The following FARSB variants were observed in gnomAD, a reference collection of about 807,000 sequenced individuals.
FARSB encodes phenylalanine--tRNA ligase beta subunit.
A neutral mutation model predicts 69.6 loss-of-function variants in FARSB; 40 were observed. The ratio of observed to expected loss-of-function variants is 0.57; its 90% confidence interval spans 0.45 to 0.75. FARSB has a LOEUF of 0.75. FARSB is among the 30% of genes least tolerant of loss of function. The pLI, the probability that FARSB is intolerant of heterozygous loss-of-function variation, is 0.00. For synonymous variants in FARSB, 235 were observed against 247.2 expected (o/e 0.95, Z 0.46); for missense variants, 632 against 722.9 (o/e 0.87, Z 1.44).
chr2:222,649,779 T>G (rs1691981047), intron 1 of FARSB, among the ~76,000 whole-genome samples: 1 of 152,202 alleles, frequency 6.6e-6, no homozygotes, highest in Non-Finnish European at 1.5e-5. Context: ...CTTCCTTATT[T>G]TAATATTATA....
chr2:222,655,403 G>A (rs1692147329), intron 1 of FARSB, among the ~76,000 whole-genome samples: 1 of 151,976 alleles, frequency 6.6e-6, no homozygotes. Flanking sequence ...GTTGTTCTTG[G>A]CACAACACCT....
chr2:222,655,059 G>C (rs1692136569), intron 1 of FARSB, among the ~76,000 whole-genome samples: 1 of 152,160 alleles, frequency 6.6e-6, no homozygotes, highest in Non-Finnish European at 1.5e-5. Context: ...TTACTCGGGC[G>C]CGATGGCGGA....
chr2:222,655,208 A>T (rs1692140461), intron 1 of FARSB, among the ~76,000 whole-genome samples: 1 of 152,120 alleles, frequency 6.6e-6, no homozygotes, highest in South Asian at 2.1e-4. Context: ...AAAAATAAAA[A>T]AAAAAATAGG....
At chr2:222,577,145 C>G (rs1179757213) in intron 16 of FARSB, among the ~76,000 whole-genome samples, 1 of 152,164 alleles carries the variant, frequency 6.6e-6, no homozygotes, top group African/African-American at 2.4e-5. Flanking sequence ...ATAAAACACA[C>G]AAACATTTTT....
chr2:222,609,254 G>C (rs1277674946), intron 15 of FARSB, among the ~76,000 whole-genome samples: 1 of 152,090 alleles, frequency 6.6e-6, no homozygotes, highest in Non-Finnish European at 1.5e-5. Context: ...TGCTTTTCTG[G>C]GCATAAGGAT....
chr2:222,626,915 AG>A (rs1204856116), intron 10 of FARSB, among the ~76,000 whole-genome samples: 5 of 152,254 alleles, frequency 3.3e-5, no homozygotes, highest in Admixed American at 2.0e-4. Context: ...GGGCGCCTGT[AG>A]TCCCAGCTAC....
intron 13 of FARSB, among the ~76,000 whole-genome samples, chr2:222,621,085 T>A (rs760538428): frequency 2.3e-4 from 35 of 152,238 alleles, no homozygotes; most frequent in African/African-American, 7.7e-4. Flanking sequence ...TGATTAATTA[T>A]GAAATGCAAC....
rs16863945 is a variant in FARSB at position 222,632,293 on chromosome 2, G to A, written c.716-619C>T. On this transcript the variant is annotated intron_variant, in intron 7 of 16. Coordinates refer to ENST00000281828, the MANE Select transcript of FARSB (RefSeq NM_005687.5). The stretch of plus-strand genomic sequence containing the variant: ...GGTGCTATGCCAAGCACTTAACATA[G>A]GTTGTCTCCTCTAATCTTTACCACA... Among the ~76,000 whole-genome samples, 480 of 152,300 alleles carry A rather than the reference G, an allele frequency of 3.2e-3. 6 individuals carry two copies. The highest frequency in any genetic ancestry group is 0.011 in the African/African-American group (465 of 41,576).
At chr2:222,637,827 T>C (rs1035469668) in intron 5 of FARSB, among the ~76,000 whole-genome samples, 6 of 151,614 alleles carry the variant, frequency 4.0e-5, no homozygotes, top group Admixed American at 2.0e-4. Context: ...ACAAAAAAAT[T>C]TAAAAATTAG....
At position 222,654,172 on chromosome 2, in the gene FARSB, G is replaced by A. The variant is rs150902861; in HGVS notation, c.58+1844C>T. On this transcript the variant is annotated intron_variant, in intron 1 of 16. Transcript: ENST00000281828. Reference sequence around the variant, plus strand: ...GCCACCTACCATCTTAGGCAATTCAGGTATACAGACTGAGCATTCCCAATC... The same window carrying A: ...GCCACCTACCATCTTAGGCAATTCAAGTATACAGACTGAGCATTCCCAATC... 5.5e-3 allele frequency among the ~76,000 whole-genome samples: 830 copies of A among 152,214 alleles called. 5 individuals are homozygous for A. The highest frequency in any genetic ancestry group is 0.019 in the African/African-American group (794 of 41,534).
intron 2 of FARSB, chr2:222,644,530 G>C (rs1372473613): frequency 2.2e-6 from 1 of 455,250 alleles, no homozygotes; most frequent in Non-Finnish European, 4.4e-6. Context: ...AGAAAGCTGA[G>C]TCACCTCCCA....
intron 15 of FARSB, among the ~76,000 whole-genome samples, chr2:222,600,529 A>G (rs992811846): frequency 6.6e-6 from 1 of 152,230 alleles, no homozygotes; most frequent in African/African-American, 2.4e-5. Context: ...TATATTAGGG[A>G]TGGCTACATA....
intron 15 of FARSB, among the ~76,000 whole-genome samples, chr2:222,602,850 C>T (rs1191940337): frequency 6.6e-6 from 1 of 151,986 alleles, no homozygotes; most frequent in Non-Finnish European, 1.5e-5. Context: ...AATAATATTT[C>T]TTGTGTTTAT....
At chr2:222,590,745 C>A (rs1332578902) in intron 16 of FARSB, among the ~76,000 whole-genome samples, 1 of 151,988 alleles carries the variant, frequency 6.6e-6, no homozygotes, top group African/African-American at 2.4e-5. Flanking sequence ...AGATTTGCTT[C>A]AAAATAATTT....
chr2:222,620,507 A>T (rs1363811819), intron 13 of FARSB, among the ~76,000 whole-genome samples: 1 of 152,244 alleles, frequency 6.6e-6, no homozygotes, highest in Non-Finnish European at 1.5e-5. Context: ...CATTGTAGGC[A>T]GAAGTTATGA....
intron 16 of FARSB, among the ~76,000 whole-genome samples, chr2:222,580,754 C>A (rs908168427): frequency 6.6e-6 from 1 of 151,918 alleles, no homozygotes; most frequent in African/African-American, 2.4e-5. Flanking sequence ...CAAGAGGAAA[C>A]CTTTTTTCAG....
intron 16 of FARSB, among the ~76,000 whole-genome samples, chr2:222,576,797 C>T (rs1689850802): frequency 6.6e-6 from 1 of 152,226 alleles, no homozygotes; most frequent in Admixed American, 6.5e-5. Flanking sequence ...TGGTTTCCCA[C>T]TAGTTTTCTG....
intron 9 of FARSB, 23 bp from the exon 10 acceptor site, chr2:222,628,911 A>G: frequency 6.3e-7 from 1 of 1,594,008 alleles, no homozygotes; most frequent in Non-Finnish European, 8.6e-7. Context: ...GCCAGAAATA[A>G]AATACTTAAG....
At chr2:222,587,553 A>T (rs566365934) in intron 16 of FARSB, among the ~76,000 whole-genome samples, 1 of 152,358 alleles carries the variant, frequency 6.6e-6, no homozygotes, top group Admixed American at 6.5e-5. Flanking sequence ...CCTTCAAAAA[A>T]TCAATGAATC....
Sources: gnomAD v4.1 joint callset for allele counts (sites outside exome capture counted in the v4.1 genomes callset) on GRCh38, gnomAD v4.1.1 for gene constraint, MANE v1.5 for transcripts, NCBI Gene and HGNC (gene_info 2026-07-23, HGNC 2026-07-21) for gene names.